QTMAN: variants seen among roughly 807,000 people sequenced by gnomAD.
The protein encoded by QTMAN is queuosine-tRNA mannosyltransferase, also known as tRNA-queuosine alpha-mannosyltransferase.
chr2:144,326,280 G>A, the QTMAN span, among the ~76,000 whole-genome samples: 1 of 152,020 alleles, frequency 6.6e-6, no homozygotes, highest in African/African-American at 2.4e-5. Context: ...ACATGGATAT[G>A]CCTACAATTT....
the QTMAN span, chr2:144,211,036 T>C: frequency 6.6e-6 from 1 of 152,200 alleles, no homozygotes; most frequent in Non-Finnish European, 1.5e-5. Context: ...AATATAAATA[T>C]TGGAAAAGAA....
chr2:144,200,568 G>C, the QTMAN span, among the ~76,000 whole-genome samples: 4 of 152,194 alleles, frequency 2.6e-5, no homozygotes, highest in Non-Finnish European at 5.9e-5. Context: ...GAAAATGTAA[G>C]AATTTGTGTT....
the QTMAN span, among the ~76,000 whole-genome samples, chr2:143,973,043 T>C: frequency 6.6e-6 from 1 of 152,226 alleles, no homozygotes; most frequent in South Asian, 2.1e-4. Context: ...AAGTGCTGGA[T>C]GTTGCTGAAA....
At chr2:144,191,463 A>G in the QTMAN span, among the ~76,000 whole-genome samples, 2 of 152,248 alleles carry the variant, frequency 1.3e-5, no homozygotes, top group African/African-American at 2.4e-5. Context: ...ATTGCTGAAT[A>G]ATGGAGTATT....
chr2:144,094,375 T>C, the QTMAN span, among the ~76,000 whole-genome samples: 1 of 152,220 alleles, frequency 6.6e-6, no homozygotes. Flanking sequence ...AATATATTTG[T>C]CATTCATTCA....
the QTMAN span, among the ~76,000 whole-genome samples, chr2:144,278,775 A>C: frequency 6.6e-6 from 1 of 152,070 alleles, no homozygotes; most frequent in African/African-American, 2.4e-5. Context: ...AATTCCTGAA[A>C]AGTGTCACCT....
At chr2:144,273,621 A>G in the QTMAN span, among the ~76,000 whole-genome samples, 1 of 152,206 alleles carries the variant, frequency 6.6e-6, no homozygotes, top group Admixed American at 6.5e-5. Context: ...ATTCATGATC[A>G]AGAACACACA....
At chr2:144,167,575 A>G in the QTMAN span, among the ~76,000 whole-genome samples, 2 of 152,072 alleles carry the variant, frequency 1.3e-5, no homozygotes, top group Non-Finnish European at 2.9e-5. Flanking sequence ...AGTGAGTCCA[A>G]GGAGATCTGA....
chr2:144,019,451 T>TGTGTGTGTGTGTGTGTGC, the QTMAN span, among the ~76,000 whole-genome samples: 1 of 145,344 alleles, frequency 6.9e-6, no homozygotes. Context: ...TGTGTGTGTG[T>TGTGTGTGTGTGTGTGTGC]GTGTGTGTGT....
chr2:144,329,291 AAAG>A, the QTMAN span, among the ~76,000 whole-genome samples: 1 of 152,174 alleles, frequency 6.6e-6, no homozygotes, highest in Non-Finnish European at 1.5e-5. Context: ...ATTAAAAAAA[AAAG>A]AAGAGGTAAG....
At chr2:144,182,869 T>C in the QTMAN span, among the ~76,000 whole-genome samples, 1 of 74,148 alleles carries the variant, frequency 1.3e-5, no homozygotes, top group South Asian at 3.1e-4. Flanking sequence ...ATAATATATA[T>C]ATATTATATA....
chr2:144,020,717 G>C, the QTMAN span, among the ~76,000 whole-genome samples: 2 of 152,112 alleles, frequency 1.3e-5, no homozygotes, highest in African/African-American at 2.4e-5. Flanking sequence ...CACCCTGGGA[G>C]GGGAACAAGG....
chr2:144,042,094 G>A, the QTMAN span, among the ~76,000 whole-genome samples: 1 of 152,156 alleles, frequency 6.6e-6, no homozygotes, highest in African/African-American at 2.4e-5. Context: ...TTCCACAGAG[G>A]AATGACTTTC....
At chr2:144,183,905 C>A in the QTMAN span, among the ~76,000 whole-genome samples, 2 of 152,084 alleles carry the variant, frequency 1.3e-5, no homozygotes, top group Admixed American at 1.3e-4. Flanking sequence ...TCATACGTGG[C>A]GCTTAGAGCT....
chr2:144,328,964 T>A, the QTMAN span, among the ~76,000 whole-genome samples: 7 of 152,096 alleles, frequency 4.6e-5, no homozygotes, highest in African/African-American at 7.2e-5. Context: ...AGTTTTTTTT[T>A]AAAAAATAAC....
chr2:144,200,516 G>A, the QTMAN span, among the ~76,000 whole-genome samples: 1 of 152,166 alleles, frequency 6.6e-6, no homozygotes, highest in Non-Finnish European at 1.5e-5. Context: ...AACAATAGCT[G>A]ATGAGCTTAA....
chr2:144,207,917 G>A, the QTMAN span, among the ~76,000 whole-genome samples: 1 of 151,892 alleles, frequency 6.6e-6, no homozygotes, highest in African/African-American at 2.4e-5. Flanking sequence ...GAGTGCAGTG[G>A]CTGGCTCACT....
the QTMAN span, among the ~76,000 whole-genome samples, chr2:144,168,894 T>TA: frequency 6.6e-6 from 1 of 152,010 alleles, no homozygotes; most frequent in Non-Finnish European, 1.5e-5. Context: ...CATCATTAAG[T>TA]AAAAAAACCA....
chr2:144,308,010 A>C, the QTMAN span, among the ~76,000 whole-genome samples: 3 of 152,332 alleles, frequency 2.0e-5, no homozygotes, highest in South Asian at 6.2e-4. Flanking sequence ...AAAGACTTAG[A>C]ATAGTGAAAA....
Sources: allele counts gnomAD v4.1 joint callset (sites outside exome capture counted in the v4.1 genomes callset), GRCh38; gene constraint gnomAD v4.1.1; transcripts MANE v1.5; gene names NCBI Gene and HGNC (gene_info 2026-07-23, HGNC 2026-07-21).